PROSER2: variants seen among roughly 807,000 people sequenced by gnomAD.
The protein encoded by PROSER2 is proline and serine-rich protein 2.
PROSER2 carries 18 observed loss-of-function variants against 14.6 expected under a neutral mutation model. The observed-to-expected ratio is 1.23, with a 90% CI of 0.85 to 1.83. The LOEUF is 1.83. Among genes scored for constraint, PROSER2 ranks in the 40% most tolerant of loss-of-function variants. PROSER2 has a pLI of 0.00. For synonymous variants in PROSER2, 367 were observed against 286.4 expected (o/e 1.28, Z -2.84); for missense variants, 823 against 629.8 (o/e 1.31, Z -3.28).
intron 1 of PROSER2, among the ~76,000 whole-genome samples, chr10:11,824,335 T>A (rs1297435628): frequency 2.0e-5 from 3 of 152,220 alleles, no homozygotes; most frequent in South Asian, 2.1e-4. Context: ...GAACATTTTT[T>A]AAAAATCGGT....
chr10:11,826,370 T>C (rs931203996), intron 1 of PROSER2, among the ~76,000 whole-genome samples: 6 of 152,196 alleles, frequency 3.9e-5, no homozygotes, highest in Non-Finnish European at 8.8e-5. Flanking sequence ...ACACCTGTTG[T>C]CAATTCTTTT....
chr10:11,827,116 G>C (rs142423180), intron 1 of PROSER2, among the ~76,000 whole-genome samples: 17 of 149,962 alleles, frequency 1.1e-4, no homozygotes, highest in Admixed American at 6.7e-5. Flanking sequence ...AAACTCCTGG[G>C]TTCAAGCGAT....
chr10:11,857,710 AC>A (rs1834148122), intron 2 of PROSER2, among the ~76,000 whole-genome samples: 2 of 140,280 alleles, frequency 1.4e-5, no homozygotes, highest in South Asian at 4.5e-4. Flanking sequence ...GCACCACTGC[AC>A]TCCAGCCTGG....
intron 2 of PROSER2, among the ~76,000 whole-genome samples, chr10:11,853,714 T>A (rs769845040): frequency 4.6e-5 from 7 of 152,176 alleles, no homozygotes; most frequent in Non-Finnish European, 7.3e-5. Context: ...TCCATGCTCC[T>A]CCTTCCATCT....
intron 3 of PROSER2, among the ~76,000 whole-genome samples, chr10:11,868,169 C>G (rs2131096247): frequency 6.6e-6 from 1 of 152,302 alleles, no homozygotes; most frequent in East Asian, 1.9e-4. Context: ...TAATTTGAAC[C>G]AGCCGATCCT....
At position 11,838,848 on chromosome 10, in the gene PROSER2, T is replaced by G. The variant is rs1833797530; in HGVS notation, c.-81-13149T>G. 6.6e-6 allele frequency among the ~76,000 whole-genome samples: 1 copy of G among 152,206 alleles called. No individual in the cohort carries two copies. The highest frequency in any genetic ancestry group is 1.5e-5 in the Non-Finnish European group (1 of 68,048). On this transcript the variant is annotated intron_variant, in intron 1 of 3. Coordinates refer to ENST00000277570, the MANE Select transcript of PROSER2 (RefSeq NM_153256.4). The surrounding 1 kb of genome is among the most constrained non-coding windows in gnomAD (Gnocchi z 4.4). ...CATTATTTTTTTCTGAGTTTCTTATTAGTTTAGAAGGTTTTCTTATATTCT... is the reference window on the plus strand; with the variant it reads ...CATTATTTTTTTCTGAGTTTCTTATGAGTTTAGAAGGTTTTCTTATATTCT...
chr10:11,838,123 A>C lies in PROSER2; in HGVS notation c.-81-13874A>C, dbSNP rs1377450160. ...TCCTTTCTGTGTTGGTAGCAGCCAG[A>C]CTCAGGTGCCCTCCGGTGAGTGAGG... On this transcript the variant is annotated intron_variant, in intron 1 of 3. Coordinates refer to ENST00000277570, the MANE Select transcript of PROSER2 (RefSeq NM_153256.4). This position sits in a 1 kb window ranked among gnomAD's most constrained non-coding sequence, Gnocchi z 4.4. Among the ~76,000 whole-genome samples, 1 of 151,352 alleles carries C rather than the reference A, an allele frequency of 6.6e-6. No homozygotes were observed. Among genetic ancestry groups the C allele is most frequent in the Non-Finnish European group, 1.5e-5 (1 of 67,796 alleles).
chr10:11,847,367 A>T (rs543854869), intron 1 of PROSER2, among the ~76,000 whole-genome samples: 1 of 152,128 alleles, frequency 6.6e-6, no homozygotes, highest in East Asian at 1.9e-4. Flanking sequence ...ACCTTAGTTG[A>T]TGGAGTCAGT....
chr10:11,854,054 G>A lies in PROSER2; in HGVS notation c.138+1839G>A, dbSNP rs115976416. 8.4e-3 allele frequency among the ~76,000 whole-genome samples: 1,283 copies of A among 152,242 alleles called. 21 individuals carry two copies. Among genetic ancestry groups the A allele is most frequent in the African/African-American group, 0.029 (1,211 of 41,530 alleles). ...GCCTATAATTAAGTTACGTCTACATGGTGTGTGTTTGGGATCACAGAATTC... is the reference window on the plus strand; with the variant it reads ...GCCTATAATTAAGTTACGTCTACATAGTGTGTGTTTGGGATCACAGAATTC... On this transcript the variant is annotated intron_variant, in intron 2 of 3. Coordinates refer to ENST00000277570, the MANE Select transcript of PROSER2 (RefSeq NM_153256.4).
At position 11,823,698 on chromosome 10, in the gene PROSER2, AC is replaced by A. The variant is rs1356929692; in HGVS notation, c.-82+230del. ...CCGGGGCGTCGCTGCCTCCTCGGGG[AC>A]CTCGGAGTCGGGGCGCGGCGGGGAG... On this transcript the variant is annotated intron_variant, in intron 1 of 3. Coordinates refer to ENST00000277570, the MANE Select transcript of PROSER2 (RefSeq NM_153256.4). This position sits in a 1 kb window ranked among gnomAD's most constrained non-coding sequence, Gnocchi z 6.2. Among the ~76,000 whole-genome samples, 6 of 151,258 alleles carry A rather than the reference AC, an allele frequency of 4.0e-5. No homozygotes were observed.
chr10:11,832,721 G>A (rs891426767), intron 1 of PROSER2, among the ~76,000 whole-genome samples: 1 of 152,196 alleles, frequency 6.6e-6, no homozygotes, highest in African/African-American at 2.4e-5. Context: ...ATGGTGGAGA[G>A]GGAGGGATAA....
intron 2 of PROSER2, among the ~76,000 whole-genome samples, chr10:11,860,983 G>A (rs1834225539): frequency 6.6e-6 from 1 of 152,154 alleles, no homozygotes; most frequent in African/African-American, 2.4e-5. Flanking sequence ...GCGTGCACCT[G>A]TAGTCCCAGC....
Position 11,837,596 on chromosome 10 carries a change from A to C in PROSER2, c.-82+14126A>C, listed in dbSNP as rs1277794383. Among the ~76,000 whole-genome samples the C allele has an allele frequency of 6.6e-6, 1 of 152,232 alleles. No individual in the cohort carries two copies. The highest frequency in any genetic ancestry group is 1.5e-5 in the Non-Finnish European group (1 of 68,050). ...TGAGTTGCGTAACATAGACATACTA[A>C]GCAAGATTGGTTCTACATCACTTGG... On this transcript the variant is annotated intron_variant, in intron 1 of 3. Coordinates refer to ENST00000277570, the MANE Select transcript of PROSER2 (RefSeq NM_153256.4). The surrounding 1 kb of genome is among the most constrained non-coding windows in gnomAD (Gnocchi z 4.6).
chr10:11,853,703 A>G (rs1053741538), intron 2 of PROSER2, among the ~76,000 whole-genome samples: 2 of 152,016 alleles, frequency 1.3e-5, no homozygotes, highest in Non-Finnish European at 2.9e-5. Context: ...TCTTGTTTGG[A>G]TCCATGCTCC....
chr10:11,837,016 C>CT lies in PROSER2; in HGVS notation c.-82+13547dup, dbSNP rs1271995282. On this transcript the variant is annotated intron_variant, in intron 1 of 3. Coordinates refer to ENST00000277570, the MANE Select transcript of PROSER2 (RefSeq NM_153256.4). This position sits in a 1 kb window ranked among gnomAD's most constrained non-coding sequence, Gnocchi z 4.6. ...ATCCTCCTTTGCCCGGAGTCCCCAC[C>CT]TGCCCATCACTTAGTAGCCAACTCA... Among the ~76,000 whole-genome samples, 1 of 152,198 alleles carries CT rather than the reference C, an allele frequency of 6.6e-6. No homozygotes were observed. Among genetic ancestry groups the CT allele is most frequent in the African/African-American group, 2.4e-5 (1 of 41,436 alleles).
Position 11,848,175 on chromosome 10 carries a change from GT to G in PROSER2, c.-81-3818del, listed in dbSNP as rs548753417. ...TTGTTTTGTTTTTGTTTGTTTGTTTGTTTTGTATTTTGAGACAGAGTCTCAC... is the reference window on the plus strand; with the variant it reads ...TTGTTTTGTTTTTGTTTGTTTGTTTGTTTGTATTTTGAGACAGAGTCTCAC... On this transcript the variant is annotated intron_variant, in intron 1 of 3. Coordinates refer to ENST00000277570, the MANE Select transcript of PROSER2 (RefSeq NM_153256.4). Among the ~76,000 whole-genome samples the G allele has an allele frequency of 3.0e-4, 45 of 151,364 alleles. No individual in the cohort carries two copies. In the South Asian group the frequency reaches 9.3e-3, roughly 31 times the overall value.
chr10:11,854,574 G>A (rs1834086713), intron 2 of PROSER2, among the ~76,000 whole-genome samples: 1 of 151,608 alleles, frequency 6.6e-6, no homozygotes, highest in Admixed American at 6.6e-5. Flanking sequence ...GCCTTCGCAA[G>A]TGCTGGGATT....
intron 1 of PROSER2, among the ~76,000 whole-genome samples, chr10:11,847,590 T>C (rs910757924): frequency 1.3e-5 from 2 of 152,146 alleles, no homozygotes; most frequent in African/African-American, 4.8e-5. Flanking sequence ...GCTAATTTTT[T>C]GTGTTTTCAG....
At chr10:11,833,606 T>C (rs1833717893) in intron 1 of PROSER2, among the ~76,000 whole-genome samples, 2 of 151,908 alleles carry the variant, frequency 1.3e-5, no homozygotes, top group African/African-American at 2.4e-5. Context: ...CAGGAGAATC[T>C]TTTGAACCCA....
Sources: allele counts gnomAD v4.1 joint callset (sites outside exome capture counted in the v4.1 genomes callset), GRCh38; gene constraint gnomAD v4.1.1; non-coding constraint Gnocchi (gnomAD v3.1); transcripts MANE v1.5; gene names NCBI Gene and HGNC (gene_info 2026-07-23, HGNC 2026-07-21).